SLMAP: variants seen among roughly 807,000 people sequenced by gnomAD.
SLMAP encodes the protein sarcolemmal membrane-associated protein.
Under a neutral mutation model 128.8 loss-of-function variants are expected in SLMAP, and 44 were observed. The observed-to-expected ratio is 0.34, with a 90% CI of 0.27 to 0.44. The LOEUF (loss-of-function observed/expected upper bound fraction) is 0.44. Ranked by LOEUF, SLMAP falls within the 20% of genes least tolerant of loss-of-function variation. The pLI, the probability that SLMAP is intolerant of heterozygous loss-of-function variation, is 1.00. For synonymous variants in SLMAP, 327 were observed against 348.8 expected, an observed-to-expected ratio of 0.94 and a Z score of 0.70; for missense variants, 787 against 985.3, an observed-to-expected ratio of 0.80 and a Z score of 2.69.
chr3:57,866,700 T>C lies in SLMAP; in HGVS notation c.1237+1408T>C, dbSNP rs145841961. 4.1e-3 allele frequency among the ~76,000 whole-genome samples: 628 copies of C among 152,284 alleles called. 6 individuals carry two copies. Among genetic ancestry groups the C allele is most frequent in the African/African-American group, 0.015 (609 of 41,548 alleles). On this transcript the variant is annotated intron_variant, in intron 13 of 24. Transcript: ENST00000671191. ...GAGTTTCAGACCAGCCTGAGCATCA[T>C]GGTGAAACTTTATCTCTACAAAAAA...
chr3:57,830,602 C>T (rs2093274375), intron 2 of SLMAP, among the ~76,000 whole-genome samples: 1 of 152,086 alleles, frequency 6.6e-6, no homozygotes. Flanking sequence ...CTTGTGCCTC[C>T]TGCTATCCTT....
chr3:57,904,512 T>C (rs1385664138), intron 17 of SLMAP, among the ~76,000 whole-genome samples: 1 of 152,252 alleles, frequency 6.6e-6, no homozygotes, highest in Non-Finnish European at 1.5e-5. Context: ...ATTTATCTTA[T>C]GTAACTACCA....
chr3:57,781,548 A>G (rs2083070399), intron 2 of SLMAP, among the ~76,000 whole-genome samples: 2 of 152,148 alleles, frequency 1.3e-5, no homozygotes, highest in African/African-American at 4.8e-5. Context: ...TTTATGCCTA[A>G]AGAAACTCTG....
chr3:57,778,825 G>A (rs888823805), intron 2 of SLMAP, among the ~76,000 whole-genome samples: 1 of 151,924 alleles, frequency 6.6e-6, no homozygotes, highest in Admixed American at 6.6e-5. Context: ...AGGTAATTGA[G>A]TTAAGGCTTT....
chr3:57,891,722 G>T lies in SLMAP; in HGVS notation c.1360+1622G>T, dbSNP rs139623266. ...CTCCTGAGTAACTGGAATTATAGGC[G>T]CATGCCACCATGCCTGGCTAATTTT... On this transcript the variant is annotated intron_variant, in intron 15 of 24. Transcript: ENST00000671191. Among the ~76,000 whole-genome samples, 1,001 of 152,156 alleles carry T rather than the reference G, an allele frequency of 6.6e-3. 13 individuals are homozygous for T. Among genetic ancestry groups the T allele is most frequent in the African/African-American group, 0.023 (943 of 41,510 alleles).
intron 2 of SLMAP, among the ~76,000 whole-genome samples, chr3:57,769,787 A>G (rs973175919): frequency 3.3e-5 from 5 of 152,058 alleles, no homozygotes; most frequent in African/African-American, 1.2e-4. Flanking sequence ...TGAATGTCTT[A>G]CTCTTGGTTG....
intron 2 of SLMAP, among the ~76,000 whole-genome samples, chr3:57,787,016 G>A (rs148293103): frequency 2.0e-5 from 3 of 152,086 alleles, no homozygotes; most frequent in South Asian, 2.1e-4. Flanking sequence ...GATTACAGGC[G>A]TGAGCCACCG....
intron 2 of SLMAP, among the ~76,000 whole-genome samples, chr3:57,771,986 G>C (rs2153446964): frequency 6.6e-6 from 1 of 152,240 alleles, no homozygotes; most frequent in South Asian, 2.1e-4. Context: ...AAATATAAAA[G>C]AACCTATAAT....
intron 2 of SLMAP, among the ~76,000 whole-genome samples, chr3:57,825,238 TA>T (rs1298396198): frequency 2.0e-5 from 3 of 151,936 alleles, no homozygotes; most frequent in African/African-American, 2.4e-5. Context: ...TTTTTTTTTT[TA>T]TTCTTTCTAG....
intron 19 of SLMAP, among the ~76,000 whole-genome samples, chr3:57,911,925 A>T (rs2096710204): frequency 2.1e-5 from 1 of 47,796 alleles, no homozygotes; most frequent in Admixed American, 3.1e-4. Context: ...ATTCACCCTA[A>T]AAAAAAAAAA....
At chr3:57,781,729 A>ATTTTTTT (rs748021832) in intron 2 of SLMAP, among the ~76,000 whole-genome samples, 14 of 109,150 alleles carry the variant, frequency 1.3e-4, no homozygotes, top group East Asian at 2.8e-4. Context: ...ATATTGACTG[A>ATTTTTTT]TTTTTTTTTT....
chr3:57,788,231 G>T (rs1056772775), intron 2 of SLMAP, among the ~76,000 whole-genome samples: 1 of 152,236 alleles, frequency 6.6e-6, no homozygotes, highest in African/African-American at 2.4e-5. Context: ...ACCAAGTCTT[G>T]AAGGACTTTA....
At chr3:57,821,037 T>C (rs1218227870) in intron 2 of SLMAP, among the ~76,000 whole-genome samples, 2 of 152,254 alleles carry the variant, frequency 1.3e-5, no homozygotes, top group Non-Finnish European at 2.9e-5. Context: ...TTGTCCTGAA[T>C]TCTCAGTGAA....
chr3:57,906,999 A>G (rs1185475431), intron 17 of SLMAP, among the ~76,000 whole-genome samples: 3 of 151,676 alleles, frequency 2.0e-5, no homozygotes. Flanking sequence ...ATCATTTAAT[A>G]TATTCAGCAG....
chr3:57,805,723 A>G (rs546479212), intron 2 of SLMAP, among the ~76,000 whole-genome samples: 1 of 152,292 alleles, frequency 6.6e-6, no homozygotes, highest in East Asian at 1.9e-4. Context: ...TAAAGGTTGT[A>G]CTGCATGATA....
chr3:57,872,926 C>G (rs749362112), intron 14 of SLMAP, among the ~76,000 whole-genome samples: 1 of 152,108 alleles, frequency 6.6e-6, no homozygotes, highest in Non-Finnish European at 1.5e-5. Context: ...CTCATAATTT[C>G]ATTTTGTGGA....
chr3:57,793,290 ATCTCAGATATCAAT>A (rs1204522102), intron 2 of SLMAP, among the ~76,000 whole-genome samples: 1 of 152,294 alleles, frequency 6.6e-6, no homozygotes, highest in East Asian at 1.9e-4. Context: ...CTAGTTTTAG[ATCTCAGATATCAAT>A]GACTTTTTAA....
At chr3:57,891,411 T>C (rs1188349013) in intron 15 of SLMAP, among the ~76,000 whole-genome samples, 1 of 152,194 alleles carries the variant, frequency 6.6e-6, no homozygotes, top group Non-Finnish European at 1.5e-5. Flanking sequence ...TGTTTTATAG[T>C]TTGATACATT....
At chr3:57,776,201 G>A (rs1254511452) in intron 2 of SLMAP, among the ~76,000 whole-genome samples, 1 of 152,054 alleles carries the variant, frequency 6.6e-6, no homozygotes, top group Non-Finnish European at 1.5e-5. Flanking sequence ...TGGTTGGGCT[G>A]GGTAAATCTT....
Sources: allele counts gnomAD v4.1 joint callset (sites outside exome capture counted in the v4.1 genomes callset), GRCh38; gene constraint gnomAD v4.1.1; transcripts MANE v1.5; gene names NCBI Gene and HGNC (gene_info 2026-07-23, HGNC 2026-07-21).